Variants in MCTP1 observed in about 807,000 individuals in gnomAD.
MCTP1 encodes multiple C2 and transmembrane domain-containing protein 1.
Under a neutral mutation model 120.6 loss-of-function variants are expected in MCTP1, and 69 were observed. That is an observed-to-expected ratio of 0.57 (90% CI 0.47 to 0.70). The LOEUF is 0.70. Ranked by LOEUF, MCTP1 falls within the 30% of genes least tolerant of loss-of-function variation. The pLI is 0.00. For synonymous variants in MCTP1, 529 were observed against 493.1 expected, an observed-to-expected ratio of 1.07 and a Z score of -0.96; for missense variants, 1,203 against 1,248.8, an observed-to-expected ratio of 0.96 and a Z score of 0.55.
chr5:95,266,281 A>G (rs1275818664), intron 1 of MCTP1, among the ~76,000 whole-genome samples: 1 of 152,228 alleles, frequency 6.6e-6, no homozygotes, highest in East Asian at 1.9e-4. Context: ...TCTAATTTTC[A>G]TAAGAATTGT....
rs1463052794 is a variant in MCTP1 at position 95,107,775 on chromosome 5, T to C, written c.721-90291A>G. 9.8e-5 allele frequency among the ~76,000 whole-genome samples: 15 copies of C among 152,330 alleles called. No homozygotes were observed. In the South Asian group the frequency reaches 1.7e-3, roughly 17 times the overall value. On this transcript the variant is annotated intron_variant, in intron 1 of 22. Transcript: ENST00000515393. ...CAGAGAGGAATGATATGCTGGTGTA[T>C]AGGGGAAAAGCTATTTCCTTTAGTT...
chr5:95,207,337 A>C (rs542241233), intron 1 of MCTP1, among the ~76,000 whole-genome samples: 44 of 152,308 alleles, frequency 2.9e-4, no homozygotes, highest in Admixed American at 8.5e-4. Context: ...ATAACCTGCA[A>C]GTTGAAATAT....
At chr5:94,868,308 T>G in intron 17 of MCTP1, 25 bp downstream of exon 17, 1 of 1,546,698 alleles carries the variant, frequency 6.5e-7, no homozygotes, top group Non-Finnish European at 8.7e-7. Context: ...TGAATAACAA[T>G]GTAAGTAATA....
In MCTP1 at chr5:94,888,943, T is replaced by C; in HGVS notation, c.1869A>G (p.Lys623=). The part of the protein sequence containing the change: ...YSPLRIFHNL[K]DVGFLQVKVI... Reference sequence around the variant, plus strand: ...CTTTCACCTGGAGAAATCCCACATCTTTCAGGTTGTGAAATATCCTCAATG... The same window carrying C: ...CTTTCACCTGGAGAAATCCCACATCCTTCAGGTTGTGAAATATCCTCAATG... Residue 623 remains lysine (K), a synonymous_variant, in exon 12 of 23, where the codon AAA becomes AAG. Transcript: ENST00000515393. 1 of 1,613,888 alleles carries C rather than the reference T, an allele frequency of 6.2e-7. No individual in the cohort carries two copies. The highest frequency in any genetic ancestry group is 8.5e-7 in the Non-Finnish European group (1 of 1,179,830).
intron 19 of MCTP1, among the ~76,000 whole-genome samples, chr5:94,757,618 A>G (rs1484502654): frequency 1.3e-5 from 2 of 152,206 alleles, no homozygotes; most frequent in Non-Finnish European, 2.9e-5. Context: ...AACAGACTTG[A>G]GACGAAAGGC....
intron 1 of MCTP1, among the ~76,000 whole-genome samples, chr5:95,137,105 T>C (rs1005942359): frequency 6.6e-6 from 1 of 152,238 alleles, no homozygotes; most frequent in Non-Finnish European, 1.5e-5. Context: ...TGATGCCCCC[T>C]GCTTACCTTC....
intron 1 of MCTP1, among the ~76,000 whole-genome samples, chr5:95,170,911 T>C (rs1183244198): frequency 6.6e-6 from 1 of 152,196 alleles, no homozygotes; most frequent in Non-Finnish European, 1.5e-5. Flanking sequence ...TCCATTTACA[T>C]TTAAGGTTAA....
At chr5:95,143,973 T>C (rs1344523068) in intron 1 of MCTP1, among the ~76,000 whole-genome samples, 4 of 152,174 alleles carry the variant, frequency 2.6e-5, no homozygotes, top group African/African-American at 7.2e-5. Flanking sequence ...CTTTGAGAAA[T>C]CTCCAAACTG....
At chr5:94,826,718 G>A (rs1295802247) in intron 17 of MCTP1, 1 of 363,018 alleles carries the variant, frequency 2.8e-6, no homozygotes, top group African/African-American at 2.3e-5. Context: ...AAAAGAGGAA[G>A]TTGACACATC....
At chr5:95,225,540 A>G (rs1423188990) in intron 1 of MCTP1, among the ~76,000 whole-genome samples, 1 of 152,198 alleles carries the variant, frequency 6.6e-6, no homozygotes, top group Non-Finnish European at 1.5e-5. Flanking sequence ...TAAAGAATAT[A>G]TATCCATTGT....
chr5:95,262,626 A>G (rs2152720603), intron 1 of MCTP1, among the ~76,000 whole-genome samples: 1 of 152,274 alleles, frequency 6.6e-6, no homozygotes, highest in Middle Eastern at 3.4e-3. Context: ...TCTCTATTTA[A>G]CCTTGAAAAA....
chr5:95,001,156 C>T (rs1247877240), intron 2 of MCTP1, among the ~76,000 whole-genome samples: 2 of 152,338 alleles, frequency 1.3e-5, no homozygotes, highest in East Asian at 1.9e-4. Context: ...CATGATTGTA[C>T]GTTTCCTGAA....
chr5:95,040,055 C>T (rs1842069150), intron 1 of MCTP1, among the ~76,000 whole-genome samples: 1 of 152,122 alleles, frequency 6.6e-6, no homozygotes, highest in Non-Finnish European at 1.5e-5. Context: ...ACTCTGGGAG[C>T]TTCATCTAAT....
chr5:95,059,631 C>T (rs1186417634), intron 1 of MCTP1, among the ~76,000 whole-genome samples: 1 of 151,930 alleles, frequency 6.6e-6, no homozygotes, highest in East Asian at 1.9e-4. Context: ...CTGAAATGTA[C>T]GTAGAAATCT....
chr5:94,861,870 T>C (rs1377465660), intron 17 of MCTP1, among the ~76,000 whole-genome samples: 2 of 151,772 alleles, frequency 1.3e-5, no homozygotes, highest in Non-Finnish European at 2.9e-5. Flanking sequence ...GGGCTGAAAC[T>C]ACCAGATAAG....
rs180998306 is a variant in MCTP1, at chr5:94,737,384, A to G, written c.2611-22498T>C. Among the ~76,000 whole-genome samples, 48 of 152,336 alleles carry G rather than the reference A, an allele frequency of 3.2e-4. 1 individual carries two copies. The highest frequency in any genetic ancestry group is 1.1e-3 in the African/African-American group (46 of 41,586). ...CTCTAACCCAGAGCAGTAAGCTTAG[A>G]TATTAGAATAAAGCATAATTTCAAA... On this transcript the variant is annotated intron_variant, in intron 19 of 22. Coordinates refer to ENST00000515393, the MANE Select transcript of MCTP1 (RefSeq NM_024717.7).
chr5:94,982,522 T>A (rs1487369050), intron 2 of MCTP1, among the ~76,000 whole-genome samples: 1 of 152,118 alleles, frequency 6.6e-6, no homozygotes, highest in Non-Finnish European at 1.5e-5. Context: ...GAAATTTCAT[T>A]CATGTCTATG....
At chr5:94,806,124 C>T (rs762346546) in intron 17 of MCTP1, among the ~76,000 whole-genome samples, 16 of 151,682 alleles carry the variant, frequency 1.1e-4, no homozygotes, top group Non-Finnish European at 2.1e-4. Flanking sequence ...TTCCTTTTTT[C>T]CCACCATCTT....
chr5:94,878,449 T>A (rs897194785), intron 12 of MCTP1, among the ~76,000 whole-genome samples: 4 of 152,218 alleles, frequency 2.6e-5, no homozygotes, highest in East Asian at 3.9e-4. Flanking sequence ...TGAAGCAGAT[T>A]TCATTATGGC....
Sources: allele counts gnomAD v4.1 joint callset (sites outside exome capture counted in the v4.1 genomes callset), GRCh38; gene constraint gnomAD v4.1.1; transcripts MANE v1.5; gene names NCBI Gene and HGNC (gene_info 2026-07-23, HGNC 2026-07-21).